WWOX: variants seen among roughly 807,000 people sequenced by gnomAD.
The protein encoded by WWOX is WW domain-containing oxidoreductase.
In WWOX, 69 loss-of-function variants were observed where a neutral mutation model predicts 46.2. That is an observed-to-expected ratio of 1.49 (90% CI 1.23 to 1.82). WWOX has a LOEUF of 1.82. Among genes scored for constraint, WWOX ranks in the 40% most tolerant of loss-of-function variants. WWOX has a pLI of 0.00. For synonymous variants in WWOX, 359 were observed against 202.6 expected (o/e 1.77, Z -6.56); for missense variants, 919 against 542.6 (o/e 1.69, Z -6.89).
intron 4 of WWOX, among the ~76,000 whole-genome samples, chr16:78,131,793 C>T (rs1177465177): frequency 6.6e-6 from 1 of 151,206 alleles, no homozygotes; most frequent in Non-Finnish European, 1.5e-5. Flanking sequence ...ACCATGTTGG[C>T]CAGGACGGTG....
intron 8 of WWOX, chr16:79,205,260 C>G (rs1417777159): frequency 3.9e-5 from 6 of 152,158 alleles, no homozygotes; most frequent in African/African-American, 1.4e-4. Context: ...GCACTTTACT[C>G]TCTCTGAGCC....
At chr16:78,668,692 T>G (rs143152774) in intron 8 of WWOX, among the ~76,000 whole-genome samples, 3 of 152,198 alleles carry the variant, frequency 2.0e-5, no homozygotes, top group African/African-American at 4.8e-5. Context: ...AGGCATCAGA[T>G]GGGCTTTGGA....
At chr16:78,557,043 C>A (rs889259552) in intron 8 of WWOX, among the ~76,000 whole-genome samples, 4 of 151,884 alleles carry the variant, frequency 2.6e-5, no homozygotes, top group Non-Finnish European at 4.4e-5. Context: ...AAACACATTG[C>A]AATAAAATAA....
At chr16:79,048,341 C>T (rs750196323) in intron 8 of WWOX, among the ~76,000 whole-genome samples, 18 of 152,024 alleles carry the variant, frequency 1.2e-4, no homozygotes, top group Non-Finnish European at 2.2e-4. Context: ...CACACACATG[C>T]CGGTGCACCT....
intron 8 of WWOX, among the ~76,000 whole-genome samples, chr16:79,181,103 C>A (rs1366507833): frequency 6.6e-6 from 1 of 152,152 alleles, no homozygotes; most frequent in Non-Finnish European, 1.5e-5. Flanking sequence ...CTACCTCTTC[C>A]CTTTGCTAAG....
chr16:79,001,014 G>A (rs768771404), intron 8 of WWOX, among the ~76,000 whole-genome samples: 35 of 152,210 alleles, frequency 2.3e-4, no homozygotes, highest in Non-Finnish European at 4.4e-4. Context: ...AGCTCAGCGA[G>A]TATTTGCAGA....
chr16:78,451,075 T>C (rs1278221129), intron 8 of WWOX, among the ~76,000 whole-genome samples: 2 of 152,224 alleles, frequency 1.3e-5, no homozygotes, highest in East Asian at 1.9e-4. Context: ...GCTTGTTTAT[T>C]GCATCTTCCG....
At chr16:79,184,726 A>G (rs957596040) in intron 8 of WWOX, among the ~76,000 whole-genome samples, 13 of 152,202 alleles carry the variant, frequency 8.5e-5, no homozygotes, top group Admixed American at 4.6e-4. Context: ...GTGGGAGTCT[A>G]GGAAGACAAA....
chr16:78,407,163 T>G (rs28446324), intron 6 of WWOX, among the ~76,000 whole-genome samples: 40,835 of 152,074 alleles, frequency 0.27, 10,748 homozygotes, highest in African/African-American at 0.68. Context: ...GAATTCTACA[T>G]TATTTTTTTC....
At chr16:78,902,392 G>C (rs570617431) in intron 8 of WWOX, among the ~76,000 whole-genome samples, 1 of 152,236 alleles carries the variant, frequency 6.6e-6, no homozygotes, top group Non-Finnish European at 1.5e-5. Context: ...AAGGACAAGG[G>C]GACGGTGACT....
intron 8 of WWOX, among the ~76,000 whole-genome samples, chr16:78,705,163 A>G (rs774113053): frequency 5.3e-5 from 8 of 152,142 alleles, no homozygotes; most frequent in Non-Finnish European, 8.8e-5. Context: ...TAAAAAGCCA[A>G]CCACTTATAT....
intron 8 of WWOX, among the ~76,000 whole-genome samples, chr16:78,798,787 C>T (rs188138559): frequency 1.1e-4 from 17 of 152,160 alleles, no homozygotes; most frequent in Admixed American, 1.0e-3. Flanking sequence ...GTAATATAAA[C>T]TGAAGGACAC....
intron 5 of WWOX, among the ~76,000 whole-genome samples, chr16:78,211,994 C>G (rs989000246): frequency 6.6e-6 from 1 of 152,184 alleles, no homozygotes; most frequent in Non-Finnish European, 1.5e-5. Context: ...GGTACATAAT[C>G]ATGGGAGCTC....
intron 8 of WWOX, chr16:78,691,190 G>A (rs1474606290): frequency 4.3e-6 from 3 of 700,530 alleles, no homozygotes; most frequent in Non-Finnish European, 5.2e-6. Context: ...GAGAATAGAT[G>A]TAGGTCCAGC....
At chr16:78,745,957 C>T (rs1345758340) in intron 8 of WWOX, among the ~76,000 whole-genome samples, 1 of 152,256 alleles carries the variant, frequency 6.6e-6, no homozygotes, top group East Asian at 1.9e-4. Context: ...CTGACTCCAG[C>T]TGCTATGAAC....
chr16:79,175,292 T>G (rs1191093681), intron 8 of WWOX, among the ~76,000 whole-genome samples: 2 of 152,228 alleles, frequency 1.3e-5, no homozygotes, highest in Non-Finnish European at 2.9e-5. Context: ...TTATTCAACA[T>G]AAGAAAGCCT....
chr16:78,890,057 TTTATTACATAA>T (rs1257921849), intron 8 of WWOX, among the ~76,000 whole-genome samples: 1 of 152,124 alleles, frequency 6.6e-6, no homozygotes, highest in East Asian at 1.9e-4. Flanking sequence ...AAACATTGCA[TTTATTACATAA>T]TTGCTCCTAG....
intron 1 of WWOX, among the ~76,000 whole-genome samples, chr16:78,104,305 GCTAA>G (rs902343924): frequency 6.8e-6 from 1 of 146,116 alleles, no homozygotes; most frequent in African/African-American, 2.6e-5. Context: ...AGATCTCCCT[GCTAA>G]CTTACACTGT....
chr16:78,676,313 T>C (rs2047598271), intron 8 of WWOX, among the ~76,000 whole-genome samples: 1 of 152,010 alleles, frequency 6.6e-6, no homozygotes, highest in South Asian at 2.1e-4. Flanking sequence ...TCTCAGACTT[T>C]GTCCCCTTTT....
Sources: allele counts gnomAD v4.1 joint callset (sites outside exome capture counted in the v4.1 genomes callset), GRCh38; gene constraint gnomAD v4.1.1; transcripts MANE v1.5; gene names NCBI Gene and HGNC (gene_info 2026-07-23, HGNC 2026-07-21).